The following BRI3 variants were observed in gnomAD, a reference collection of about 807,000 sequenced individuals.
BRI3 encodes the protein membrane protein BRI3.
Under a neutral mutation model 12.8 loss-of-function variants are expected in BRI3, and 6 were observed. The observed-to-expected ratio is 0.47, with a 90% CI of 0.26 to 0.93. The LOEUF is 0.93. BRI3 is among the 40% of genes least tolerant of loss of function. The pLI, the probability that BRI3 is intolerant of heterozygous loss-of-function variation, is 0.15. For missense variants in BRI3, 134 were observed against 171.1 expected (o/e 0.78, Z 1.21); for synonymous variants, 91 against 76.1 (o/e 1.20, Z -1.02).
upstream of BRI3, chr7:98,304,251 G>C: frequency 6.2e-7 from 1 of 1,613,458 alleles, no homozygotes; most frequent in Middle Eastern, 1.7e-4. Context: ...TGTCGTCCTG[G>C]CCGAATCTGC....
At chr7:98,320,318 T>A in the BRI3 span, 1 of 1,554,290 alleles carries the variant, frequency 6.4e-7, no homozygotes, top group South Asian at 1.2e-5. Context: ...AAACCAGATA[T>A]GTTAGCGGGA....
At chr7:98,287,885 C>G (rs1209315470) in intron 2 of BRI3, among the ~76,000 whole-genome samples, 1 of 152,202 alleles carries the variant, frequency 6.6e-6, no homozygotes, top group Admixed American at 6.5e-5. Flanking sequence ...CCACCCACAC[C>G]CCTTTGCCCA....
At position 98,281,912 on chromosome 7, in the gene BRI3, G is replaced by T; in HGVS notation, c.117G>T (p.Pro39=). The T allele has an allele frequency of 3.1e-6, 4 of 1,291,514 alleles. No individual in the cohort carries two copies. Among genetic ancestry groups the T allele is most frequent in the East Asian group, 3.2e-5 (1 of 31,670 alleles). 80.0% of individuals were successfully genotyped at this position (1,291,514 alleles called of 1,614,324 possible). ...GCGCCATCCCCGCCGCGCCCCCGCCGCCGCCCTACCCCTACCTCGTCACAG... is the reference window on the plus strand; with the variant it reads ...GCGCCATCCCCGCCGCGCCCCCGCCTCCGCCCTACCCCTACCTCGTCACAG... ...GYGAIPAAPP[P]PPYPYLVTGI... The change falls in exon 1 of 3, where the codon CCG becomes CCT. Residue 39 remains proline (P), a synonymous_variant. Transcript: ENST00000297290.
chr7:98,297,296 TC>T (rs1482206766), downstream of BRI3, among the ~76,000 whole-genome samples: 1 of 152,314 alleles, frequency 6.6e-6, no homozygotes, highest in African/African-American at 2.4e-5. Flanking sequence ...GTACGGAGCT[TC>T]CAGGGTGCCC....
downstream of BRI3, among the ~76,000 whole-genome samples, chr7:98,313,303 A>C (rs1470515090): frequency 6.6e-6 from 1 of 152,134 alleles, no homozygotes; most frequent in Admixed American, 6.6e-5. Context: ...TCCAGCATAG[A>C]AACGAGCAGA....
chr7:98,289,184 C>T (rs1799813880), intron 2 of BRI3, among the ~76,000 whole-genome samples: 1 of 152,206 alleles, frequency 6.6e-6, no homozygotes, highest in African/African-American at 2.4e-5. Flanking sequence ...TCTCGAACTC[C>T]TGACCTCAGG....
rs1460084233 is a variant in BRI3 at position 98,282,424 on chromosome 7, C to T, written c.216C>T (p.Ile72=). The T allele has an allele frequency of 6.2e-7, 1 of 1,614,054 alleles. No homozygotes were observed. The highest frequency in any genetic ancestry group is 2.2e-5 in the East Asian group (1 of 44,874). Residue 72 remains isoleucine (I), a synonymous_variant, in exon 2 of 3, where the codon ATC becomes ATT. Coordinates refer to ENST00000297290, the MANE Select transcript of BRI3 (RefSeq NM_015379.5). The part of the protein sequence containing the change: ...RTVTRYPANS[I]VVVGGCPVCR... ...TCACCCGCTATCCTGCCAACTCTATCGTGGTCGTAGGAGGCTGTCCTGTCT... is the reference window on the plus strand; with the variant it reads ...TCACCCGCTATCCTGCCAACTCTATTGTGGTCGTAGGAGGCTGTCCTGTCT...
the BRI3 span, chr7:98,317,211 A>C: frequency 6.2e-7 from 1 of 1,614,108 alleles, no homozygotes; most frequent in Non-Finnish European, 8.5e-7. Context: ...TATTGTTGAA[A>C]AGCTCACCTC....
At chr7:98,296,065 G>A (rs145793426), downstream of BRI3, among the ~76,000 whole-genome samples, 189 of 152,168 alleles carry the variant, frequency 1.2e-3, 2 homozygotes, top group African/African-American at 4.3e-3. Flanking sequence ...CCAGACGCCC[G>A]TCAATGGGAG....
At chr7:98,293,003 A>G (rs542935854), downstream of BRI3, 25 of 1,101,958 alleles carry the variant, frequency 2.3e-5, no homozygotes, top group African/African-American at 3.6e-4. Context: ...ACACTTAAAC[A>G]TTTTAAGTTA....
chr7:98,316,151 C>T, the BRI3 span, among the ~76,000 whole-genome samples: 1 of 152,124 alleles, frequency 6.6e-6, no homozygotes, highest in Admixed American at 6.6e-5. Flanking sequence ...AAGGGAGTTT[C>T]CCTGCACAAG....
chr7:98,293,543 CG>C, downstream of BRI3: 1 of 1,613,666 alleles, frequency 6.2e-7, no homozygotes, highest in Admixed American at 1.7e-5. Context: ...GGGTGCCGAG[CG>C]ATCATTCGTC....
intron 2 of BRI3, among the ~76,000 whole-genome samples, chr7:98,286,388 C>G (rs1397921043): frequency 1.3e-5 from 2 of 152,222 alleles, no homozygotes; most frequent in African/African-American, 4.8e-5. Context: ...TAAGGGAGTG[C>G]TCTTGGAATT....
At chr7:98,300,210 C>G (rs1481166466) in intron 1 of BRI3, among the ~76,000 whole-genome samples, 2 of 152,072 alleles carry the variant, frequency 1.3e-5, no homozygotes, top group East Asian at 3.9e-4. Flanking sequence ...GATCCATGAT[C>G]CCTGCTGGTG....
At chr7:98,301,326 G>A (rs1318158587) in intron 1 of BRI3, among the ~76,000 whole-genome samples, 1 of 152,170 alleles carries the variant, frequency 6.6e-6, no homozygotes, top group Admixed American at 6.5e-5. Context: ...TCAAACACGT[G>A]CAGAATCAAT....
upstream of BRI3, among the ~76,000 whole-genome samples, chr7:98,303,586 C>T (rs533620571): frequency 1.5e-4 from 23 of 152,314 alleles, no homozygotes; most frequent in Admixed American, 3.9e-4. Context: ...AGGCAGAGTC[C>T]GGCCTTGTTC....
chr7:98,294,215 A>G, downstream of BRI3: 1 of 1,214,342 alleles, frequency 8.2e-7, no homozygotes. Flanking sequence ...CTGGTTTCGA[A>G]CTCCTGAGCT....
the BRI3 span, chr7:98,317,165 A>T: frequency 6.2e-7 from 1 of 1,612,114 alleles, no homozygotes; most frequent in Non-Finnish European, 8.5e-7. Flanking sequence ...CCTCCTCTTA[A>T]ACTGTGCAAA....
intron 2 of BRI3, among the ~76,000 whole-genome samples, chr7:98,287,647 T>G (rs983041193): frequency 2.0e-5 from 3 of 152,318 alleles, no homozygotes; most frequent in Non-Finnish European, 4.4e-5. Context: ...CTTCCTGCAC[T>G]TCTCAGCTCT....
Sources: allele counts gnomAD v4.1 joint callset (sites outside exome capture counted in the v4.1 genomes callset), GRCh38; gene constraint gnomAD v4.1.1; transcripts MANE v1.5; gene names NCBI Gene and HGNC (gene_info 2026-07-23, HGNC 2026-07-21).